The following PCDHA11 variants were observed in gnomAD, a reference collection of about 807,000 sequenced individuals.
PCDHA11 encodes the protein protocadherin alpha-11.
PCDHA11 carries 61 observed loss-of-function variants against 70.3 expected under a neutral mutation model. The ratio of observed to expected loss-of-function variants is 0.87; its 90% CI spans 0.71 to 1.07. The LOEUF is 1.07. Among genes scored for constraint, PCDHA11 ranks in the 50% least tolerant of loss-of-function variants. PCDHA11 has a pLI of 0.00. For synonymous variants in PCDHA11, 633 were observed against 555.1 expected (o/e 1.14, Z -1.97); for missense variants, 1,324 against 1,237.5 (o/e 1.07, Z -1.05).
chr5:140,917,359 A>G (rs2078164580), intron 1 of PCDHA11, among the ~76,000 whole-genome samples: 3 of 142,606 alleles, frequency 2.1e-5, no homozygotes, highest in South Asian at 2.2e-4. Flanking sequence ...CTTCTGTTCC[A>G]CTATCTTGCT....
chr5:140,894,821 C>A (rs1303468240), intron 1 of PCDHA11, among the ~76,000 whole-genome samples: 1 of 151,806 alleles, frequency 6.6e-6, no homozygotes, highest in African/African-American at 2.4e-5. Flanking sequence ...TCAGATTTGC[C>A]CATAATCCTT....
At chr5:140,900,626 T>C (rs958637463) in intron 1 of PCDHA11, among the ~76,000 whole-genome samples, 6 of 152,230 alleles carry the variant, frequency 3.9e-5, no homozygotes, top group Non-Finnish European at 7.3e-5. Flanking sequence ...TGCTTCCAAA[T>C]CTTGGCTATT....
chr5:141,007,653 C>T (rs373127730), intron 3 of PCDHA11, among the ~76,000 whole-genome samples: 1 of 152,126 alleles, frequency 6.6e-6, no homozygotes, highest in African/African-American at 2.4e-5. Context: ...GCCTAAAAAA[C>T]CATAAATTTA....
At chr5:140,968,508 A>C (rs977964716) in intron 1 of PCDHA11, 1 of 1,613,950 alleles carries the variant, frequency 6.2e-7, no homozygotes, top group African/African-American at 1.3e-5. Context: ...CACATTCTGT[A>C]CCCTACCTCA....
chr5:140,916,188 G>A (rs1288181230), intron 1 of PCDHA11, among the ~76,000 whole-genome samples: 2 of 152,208 alleles, frequency 1.3e-5, no homozygotes, highest in East Asian at 3.9e-4. Context: ...TCAAGGAAGT[G>A]GGCACCCCTC....
chr5:140,982,722 T>G, intron 3 of PCDHA11, 159 bp downstream of exon 3: 1 of 913,304 alleles, frequency 1.1e-6, no homozygotes, highest in African/African-American at 1.8e-5. Flanking sequence ...TATGATTATT[T>G]TGATTTTATA....
At position 141,009,757 on chromosome 5, in the gene PCDHA11, A is replaced by G; in HGVS notation, c.2670A>G (p.Pro890=). 6.2e-7 allele frequency: 1 copy of G among 1,614,200 alleles called. No individual in the cohort carries two copies. Among genetic ancestry groups the G allele is most frequent in the Non-Finnish European group, 8.5e-7 (1 of 1,180,036 alleles). Residue 890 remains proline (P), a synonymous_variant, in exon 4 of 4, where the codon CCA becomes CCG. Coordinates refer to ENST00000398640, the MANE Select transcript of PCDHA11 (RefSeq NM_018902.5). ...AGTTGCCCGACAAATTCATTATCCCAGGATCTCCTGCAATCATCTCCATCC... is the reference window on the plus strand; with the variant it reads ...AGTTGCCCGACAAATTCATTATCCCGGGATCTCCTGCAATCATCTCCATCC... ...PGELPDKFII[P]GSPAIISIRQ... is the part of the protein sequence containing the mutation.
intron 3 of PCDHA11, among the ~76,000 whole-genome samples, chr5:140,992,706 G>T (rs1554253120): frequency 1.3e-5 from 2 of 152,138 alleles, no homozygotes; most frequent in Admixed American, 1.3e-4. Context: ...TAATGTTCCT[G>T]CCAGTATTCG....
chr5:140,917,491 C>G (rs2078223929), intron 1 of PCDHA11, among the ~76,000 whole-genome samples: 1 of 152,172 alleles, frequency 6.6e-6, no homozygotes, highest in Non-Finnish European at 1.5e-5. Flanking sequence ...GGGCCTATGC[C>G]CAGAATGATA....
rs782595471 is a variant in PCDHA11, at chr5:140,869,659, G to A, written c.556G>A (p.Gly186Ser). The A allele has an allele frequency of 2.5e-6, 4 of 1,613,446 alleles. No homozygotes were observed. Among genetic ancestry groups the A allele is most frequent in the Non-Finnish European group, 3.4e-6 (4 of 1,179,862 alleles). ...EYFSLDSPTNGKQIKRLSLIL... is the reference protein window; with the variant it reads ...EYFSLDSPTNSKQIKRLSLIL... ...TTTTTCTTTAGATTCACCAACAAAT[G>A]GTAAGCAGATTAAAAGACTGTCACT... is the stretch of plus-strand genomic sequence containing the variant. The change falls in exon 1 of 4, where the codon GGT (glycine) becomes AGT (serine). Residue 186 changes from glycine to serine, a missense_variant. By Grantham distance (56) the Gly-to-Ser change is moderately conservative. Coordinates refer to ENST00000398640, the MANE Select transcript of PCDHA11 (RefSeq NM_018902.5).
chr5:140,872,346 G>A (rs2053606612), intron 1 of PCDHA11, among the ~76,000 whole-genome samples: 1 of 152,022 alleles, frequency 6.6e-6, no homozygotes, highest in Admixed American at 6.6e-5. Context: ...ACATGTTCTT[G>A]CCAGGCAAAG....
chr5:140,910,257 A>G (rs1428252762), intron 1 of PCDHA11, among the ~76,000 whole-genome samples: 1 of 152,202 alleles, frequency 6.6e-6, no homozygotes, highest in East Asian at 1.9e-4. Flanking sequence ...TAGGCTTCCT[A>G]TCATTTTCAC....
At chr5:140,877,490 G>T (rs2057160256) in intron 1 of PCDHA11, 2 of 1,613,718 alleles carry the variant, frequency 1.2e-6, no homozygotes, top group Non-Finnish European at 1.7e-6. Flanking sequence ...GTGGAGAACG[G>T]CCAGGCCCCA....
rs184672024 is a variant in PCDHA11, at chr5:140,889,762, T to C, written c.2391+18268T>C. Among the ~76,000 whole-genome samples, 15 of 152,308 alleles carry C rather than the reference T, an allele frequency of 9.8e-5. No homozygotes were observed. The East Asian group carries it at 2.9e-3, about 29-fold the overall frequency. The stretch of plus-strand genomic sequence containing the variant: ...GAGTCTAATTTTTCTTTCCTTGAAC[T>C]TTGACTGGTCTTAATATTGGAAGTA... On this transcript the variant is annotated intron_variant, in intron 1 of 3. Coordinates refer to ENST00000398640, the MANE Select transcript of PCDHA11 (RefSeq NM_018902.5).
chr5:140,944,623 T>A (rs535315515), intron 1 of PCDHA11, among the ~76,000 whole-genome samples: 62 of 152,320 alleles, frequency 4.1e-4, no homozygotes, highest in Non-Finnish European at 7.3e-4. Context: ...AGAAGTATAG[T>A]GTTGTAAGCC....
intron 1 of PCDHA11, among the ~76,000 whole-genome samples, chr5:140,913,140 G>T (rs1562991745): frequency 6.6e-6 from 1 of 152,068 alleles, no homozygotes; most frequent in African/African-American, 2.4e-5. Context: ...CTACTTTTTG[G>T]AATAGTTTGA....
intron 2 of PCDHA11, among the ~76,000 whole-genome samples, chr5:140,980,491 G>A (rs917181390): frequency 2.6e-5 from 4 of 152,132 alleles, no homozygotes; most frequent in Non-Finnish European, 5.9e-5. Flanking sequence ...TTAGCTGGGC[G>A]TGATGGCATG....
chr5:140,967,121 C>T, intron 1 of PCDHA11: 1 of 1,612,916 alleles, frequency 6.2e-7, no homozygotes, highest in East Asian at 2.2e-5. Flanking sequence ...TCGCTGCCTG[C>T]TCAGCTTGGA....
chr5:140,918,632 C>A (rs1182828125), intron 1 of PCDHA11, among the ~76,000 whole-genome samples: 1 of 152,164 alleles, frequency 6.6e-6, no homozygotes, highest in Non-Finnish European at 1.5e-5. Flanking sequence ...TCCCCAAATT[C>A]ATAAATTGAA....
Sources: gnomAD v4.1 joint callset for allele counts (sites outside exome capture counted in the v4.1 genomes callset) on GRCh38, gnomAD v4.1.1 for gene constraint, MANE v1.5 for transcripts, NCBI Gene and HGNC (gene_info 2026-07-23, HGNC 2026-07-21) for gene names.